Variants in LRMDA observed in about 807,000 individuals in gnomAD.
LRMDA encodes the protein leucine-rich melanocyte differentiation-associated protein.
Under a neutral mutation model 29.8 loss-of-function variants are expected in LRMDA, and 18 were observed. The observed-to-expected ratio is 0.60, with a 90% CI of 0.42 to 0.90. The LOEUF (loss-of-function observed/expected upper bound fraction) is 0.90, where lower values mean the gene tolerates loss of function less well. LRMDA is among the 40% of genes least tolerant of loss of function. The pLI is 0.00. For missense variants in LRMDA, 273 were observed against 273.9 expected (o/e 1.00, Z 0.02); for synonymous variants, 125 against 109.4 (o/e 1.14, Z -0.89).
intron 2 of LRMDA, among the ~76,000 whole-genome samples, chr10:75,847,881 G>T (rs1301035984): frequency 6.6e-6 from 1 of 152,118 alleles, no homozygotes. Context: ...ATACCCATTT[G>T]GATGGCCAGT....
chr10:76,195,339 A>T (rs1199213841), intron 5 of LRMDA, among the ~76,000 whole-genome samples: 1 of 152,238 alleles, frequency 6.6e-6, no homozygotes, highest in African/African-American at 2.4e-5. Flanking sequence ...GAGCTATTAA[A>T]GTAGCGACCA....
chr10:75,926,850 G>T (rs1293582866), intron 2 of LRMDA, among the ~76,000 whole-genome samples: 1 of 152,170 alleles, frequency 6.6e-6, no homozygotes, highest in Non-Finnish European at 1.5e-5. Context: ...AAATCTCTGG[G>T]CTTCTCCTAT....
chr10:75,878,541 G>C (rs536173794), intron 2 of LRMDA, among the ~76,000 whole-genome samples: 1 of 152,138 alleles, frequency 6.6e-6, no homozygotes, highest in African/African-American at 2.4e-5. Context: ...TGCTCCTCTT[G>C]ATGTCTAGCT....
intron 2 of LRMDA, among the ~76,000 whole-genome samples, chr10:75,847,864 T>A (rs1163468373): frequency 6.6e-6 from 1 of 152,140 alleles, no homozygotes; most frequent in Non-Finnish European, 1.5e-5. Flanking sequence ...ACATGAGCTA[T>A]CACCTTATAC....
intron 2 of LRMDA, among the ~76,000 whole-genome samples, chr10:75,892,394 G>A (rs1416473863): frequency 2.6e-5 from 4 of 152,234 alleles, no homozygotes; most frequent in South Asian, 4.1e-4. Flanking sequence ...CTGCCCTATT[G>A]CAGCACAAAG....
At chr10:75,989,454 A>G (rs918874699) in intron 2 of LRMDA, among the ~76,000 whole-genome samples, 2 of 152,222 alleles carry the variant, frequency 1.3e-5, no homozygotes, top group African/African-American at 2.4e-5. Flanking sequence ...AGAATTAATT[A>G]TCAACCACAG....
chr10:75,969,578 T>C (rs1157678535), intron 2 of LRMDA, among the ~76,000 whole-genome samples: 1 of 152,256 alleles, frequency 6.6e-6, no homozygotes, highest in Non-Finnish European at 1.5e-5. Flanking sequence ...AGCTCACGCT[T>C]ATTATGATAA....
chr10:75,835,091 C>T lies in LRMDA; in HGVS notation c.132-200917C>T, dbSNP rs147152468. ...CTATTGTCATTGCAACAAATTTCCA[C>T]AAACTTAGTAGCCTACAAGTAATAC... On this transcript the variant is annotated intron_variant, in intron 2 of 6. Transcript: ENST00000611255. Among the ~76,000 whole-genome samples, 311 of 152,308 alleles carry T rather than the reference C, an allele frequency of 2.0e-3. 6 individuals are homozygous for T. The highest frequency in any genetic ancestry group is 0.02 in the Admixed American group (302 of 15,298).
intron 2 of LRMDA, among the ~76,000 whole-genome samples, chr10:75,711,317 C>T (rs1589166551): frequency 6.6e-6 from 1 of 152,110 alleles, no homozygotes; most frequent in African/African-American, 2.4e-5. Context: ...AATTGCTGGG[C>T]CTCAGCTTTC....
At chr10:75,540,419 G>A (rs372476213) in intron 2 of LRMDA, among the ~76,000 whole-genome samples, 7 of 152,186 alleles carry the variant, frequency 4.6e-5, no homozygotes, top group African/African-American at 1.7e-4. Context: ...CAAGAGGAAT[G>A]TGATTTCATA....
chr10:76,225,745 AT>A (rs1851944355), intron 5 of LRMDA, among the ~76,000 whole-genome samples: 1 of 140,740 alleles, frequency 7.1e-6, no homozygotes, highest in African/African-American at 2.9e-5. Flanking sequence ...TTTTTATTAT[AT>A]TTTAAGTTCT....
At chr10:76,180,277 CTTTTTTTTTTT>C (rs34563574) in intron 5 of LRMDA, among the ~76,000 whole-genome samples, 15 of 89,866 alleles carry the variant, frequency 1.7e-4, no homozygotes, top group South Asian at 4.8e-4. Flanking sequence ...TTGGAAAAAA[CTTTTTTTTTTT>C]TTTTTTTTTT....
chr10:75,779,329 C>G (rs954587549), intron 2 of LRMDA, among the ~76,000 whole-genome samples: 1 of 152,182 alleles, frequency 6.6e-6, no homozygotes, highest in African/African-American at 2.4e-5. Context: ...ACATTCTCCT[C>G]TGGGACCAGT....
chr10:75,967,837 G>A (rs1054199569), intron 2 of LRMDA, among the ~76,000 whole-genome samples: 3 of 152,070 alleles, frequency 2.0e-5, no homozygotes, highest in Non-Finnish European at 4.4e-5. Context: ...GGAGGCCCAC[G>A]AGTTAACCCT....
chr10:75,441,257 C>G (rs1171564964), intron 2 of LRMDA, among the ~76,000 whole-genome samples: 1 of 152,174 alleles, frequency 6.6e-6, no homozygotes, highest in Non-Finnish European at 1.5e-5. Flanking sequence ...CTGCCCCTCA[C>G]TATATCCGTG....
At chr10:76,442,605 A>G (rs1382774501) in intron 6 of LRMDA, among the ~76,000 whole-genome samples, 1 of 152,088 alleles carries the variant, frequency 6.6e-6, no homozygotes, top group East Asian at 1.9e-4. Context: ...GGGTTAGAAG[A>G]TTGCTTGAGT....
At chr10:75,693,572 A>G (rs1564542143) in intron 2 of LRMDA, among the ~76,000 whole-genome samples, 1 of 152,248 alleles carries the variant, frequency 6.6e-6, no homozygotes, top group African/African-American at 2.4e-5. Context: ...TAGGCAATCT[A>G]TCTACGACAA....
At chr10:75,981,146 A>G (rs1225430883) in intron 2 of LRMDA, among the ~76,000 whole-genome samples, 1 of 152,190 alleles carries the variant, frequency 6.6e-6, no homozygotes, top group Non-Finnish European at 1.5e-5. Context: ...TGCTGTGACT[A>G]TTTCACATGT....
chr10:75,655,552 G>A (rs1841658613), intron 2 of LRMDA, among the ~76,000 whole-genome samples: 1 of 152,232 alleles, frequency 6.6e-6, no homozygotes, highest in Non-Finnish European at 1.5e-5. Context: ...CAGCCATGCT[G>A]TAGTCTGGGA....
Sources: gnomAD v4.1 joint callset for allele counts (sites outside exome capture counted in the v4.1 genomes callset) on GRCh38, gnomAD v4.1.1 for gene constraint, MANE v1.5 for transcripts, NCBI Gene and HGNC (gene_info 2026-07-23, HGNC 2026-07-21) for gene names.